MRC1: variants seen among roughly 807,000 people sequenced by gnomAD.
MRC1 encodes mannose receptor C-type 1.
A neutral mutation model predicts 102.9 loss-of-function variants in MRC1; 62 were observed. The ratio of observed to expected loss-of-function variants is 0.60; its 90% CI spans 0.49 to 0.74. The LOEUF (loss-of-function observed/expected upper bound fraction) is 0.74. Among genes scored for constraint, MRC1 ranks in the 30% least tolerant of loss-of-function variants. MRC1 has a pLI of 0.00. For synonymous variants in MRC1, 457 were observed against 298.4 expected, an observed-to-expected ratio of 1.53 and a Z score of -5.48; for missense variants, 1,237 against 862.8, an observed-to-expected ratio of 1.43 and a Z score of -5.43.
At chr10:17,870,540 C>CT (rs1254013911) in intron 13 of MRC1, among the ~76,000 whole-genome samples, 167 bp downstream of exon 13, 3 of 152,000 alleles carry the variant, frequency 2.0e-5, no homozygotes, top group Non-Finnish European at 4.4e-5. Context: ...CTTTCAAATC[C>CT]TTTAATTTTA....
intron 18 of MRC1, among the ~76,000 whole-genome samples, chr10:17,879,055 C>G (rs915223154): frequency 1.3e-5 from 2 of 152,126 alleles, no homozygotes; most frequent in Non-Finnish European, 2.9e-5. Flanking sequence ...ATGAGAAATT[C>G]TATACACTCT....
intron 12 of MRC1, among the ~76,000 whole-genome samples, chr10:17,867,364 C>CCTTCTCCTT (rs1554841581): frequency 7.1e-6 from 1 of 141,254 alleles, no homozygotes; most frequent in Admixed American, 7.4e-5. Context: ...TTCTCCTTCT[C>CCTTCTCCTT]CTTCTTCTTC....
chr10:17,818,791 T>A (rs1554838074), intron 1 of MRC1, among the ~76,000 whole-genome samples: 1 of 152,026 alleles, frequency 6.6e-6, no homozygotes, highest in East Asian at 1.9e-4. Flanking sequence ...ATAGCAAGGG[T>A]CTGTCTCAAG....
chr10:17,877,404 A>G (rs1338189257), intron 17 of MRC1, among the ~76,000 whole-genome samples: 1 of 149,864 alleles, frequency 6.7e-6, no homozygotes, highest in Non-Finnish European at 1.5e-5. Context: ...CAGCCTCCCA[A>G]GTAGCTGGGA....
intron 6 of MRC1, among the ~76,000 whole-genome samples, chr10:17,846,865 T>C (rs1432863116): frequency 6.6e-6 from 1 of 152,228 alleles, no homozygotes; most frequent in African/African-American, 2.4e-5. Flanking sequence ...ACTTCCAATC[T>C]TTTATTAATA....
Position 17,872,012 on chromosome 10 carries a change from C to T in MRC1, c.2230C>T (p.Pro744Ser). The change falls in exon 15 of 30, where the codon CCT (proline) becomes TCT (serine). Residue 744 changes from proline (P) to serine (S), a missense_variant. Pro to Ser is a moderately conservative substitution (Grantham distance 74). Coordinates refer to ENST00000569591, the MANE Select transcript of MRC1 (RefSeq NM_002438.4). ...ATATGAAAACTGGGCTTATGGAGAA[C>T]CTAATAATTATCAAAATGTTGAATA... ...VSYENWAYGEPNNYQNVEYCG... is the reference protein window; with the variant it reads ...VSYENWAYGESNNYQNVEYCG... 2 of 780,458 alleles carry T rather than the reference C, an allele frequency of 2.6e-6. No homozygotes were observed. The highest frequency in any genetic ancestry group is 3.4e-5 in the Admixed American group (2 of 59,000). The allele number at this position is 780,458 out of a possible 1,614,324, so 48.3% of individuals were successfully genotyped here.
chr10:17,813,702 T>TATATATATATA (rs1554837619), intron 1 of MRC1, among the ~76,000 whole-genome samples: 6 of 92,786 alleles, frequency 6.5e-5, no homozygotes, highest in Middle Eastern at 5.4e-3. Flanking sequence ...ATATATATAT[T>TATATATATATA]TTTTTTTTTT....
At chr10:17,884,121 C>T (rs928250195) in intron 21 of MRC1, among the ~76,000 whole-genome samples, 2 of 152,118 alleles carry the variant, frequency 1.3e-5, no homozygotes, top group African/African-American at 2.4e-5. Flanking sequence ...CGCATGACAC[C>T]GATGCTTTGT....
In MRC1 at chr10:17,809,423, G is replaced by C. The variant is rs946897891; in HGVS notation, c.-43G>C. ...CCTCGTTGTTTTGCGTCTTAGTTCC[G>C]CCCTCCTGTCCATCAGGAGAAGGAA... On this transcript the variant is annotated 5_prime_UTR_variant, in exon 1 of 30. Transcript: ENST00000569591. 1.1e-6 allele frequency: 1 copy of C among 871,578 alleles called. No individual in the cohort carries two copies. The highest frequency in any genetic ancestry group is 2.0e-6 in the Non-Finnish European group (1 of 500,554). 54.0% of individuals were successfully genotyped at this position (871,578 alleles called of 1,614,324 possible).
Position 17,809,534 on chromosome 10 carries a change from T to C in MRC1, c.61+8T>C. ...GTGCTGTTCTCCTACTGGGTAAGTC[T>C]GCTCTGAGGCAGGGGATCTCTGACC... On this transcript the variant is annotated splice_region_variant and intron_variant, in intron 1 of 29. Coordinates refer to ENST00000569591, the MANE Select transcript of MRC1 (RefSeq NM_002438.4). 1.1e-6 allele frequency: 1 copy of C among 872,794 alleles called. No homozygotes were observed. The highest frequency in any genetic ancestry group is 2.0e-6 in the Non-Finnish European group (1 of 501,516). The allele number at this position is 872,794 out of a possible 1,614,324, so 54.1% of individuals were successfully genotyped here. A position where few individuals can be genotyped will look rare whatever the true frequency, so the allele number is the denominator to read the frequency against.
intron 24 of MRC1, 89 bp downstream of exon 24, chr10:17,898,355 A>T: frequency 1.3e-6 from 1 of 778,948 alleles, no homozygotes; most frequent in Non-Finnish European, 2.4e-6. Flanking sequence ...TTGAATACTC[A>T]TTATGTGTAA....
chr10:17,860,835 A>G (rs1833174154), intron 9 of MRC1, among the ~76,000 whole-genome samples: 2 of 152,186 alleles, frequency 1.3e-5, no homozygotes, highest in South Asian at 4.1e-4. Context: ...ATACATTATA[A>G]GTGGAGAGAA....
rs916033124 is a variant in MRC1, at chr10:17,902,765, T to A, written c.3799+643T>A. Among the ~76,000 whole-genome samples, 81 of 152,288 alleles carry A rather than the reference T, an allele frequency of 5.3e-4. No homozygotes were observed. The South Asian group carries it at 0.016, about 29-fold the overall frequency. ...CGTTCTTTCAAAAGTCAACCTGACT[T>A]TTGACTTTAAATTCTGAGTGAGATG... On this transcript the variant is annotated intron_variant, in intron 26 of 29. Coordinates refer to ENST00000569591, the MANE Select transcript of MRC1 (RefSeq NM_002438.4).
intron 19 of MRC1, 54 bp downstream of exon 19, chr10:17,879,875 A>G (rs1833489807): frequency 2.6e-6 from 2 of 780,558 alleles, no homozygotes; most frequent in African/African-American, 3.4e-5. Context: ...GTCATTTGCC[A>G]CATCCCTAGA....
At chr10:17,811,138 T>A (rs2130565506) in intron 1 of MRC1, among the ~76,000 whole-genome samples, 1 of 152,322 alleles carries the variant, frequency 6.6e-6, no homozygotes, top group Admixed American at 6.5e-5. Flanking sequence ...CTCGGAAATA[T>A]TATCCCTCAA....
chr10:17,901,556 G>T (rs1016968504), intron 25 of MRC1, among the ~76,000 whole-genome samples: 3 of 152,030 alleles, frequency 2.0e-5, no homozygotes, highest in Non-Finnish European at 4.4e-5. Context: ...GGGTCTGGTG[G>T]CAGGCACCTG....
At chr10:17,909,464 A>C in intron 29 of MRC1, 117 bp downstream of exon 29, 1 of 721,462 alleles carries the variant, frequency 1.4e-6, no homozygotes, top group South Asian at 1.6e-5. Flanking sequence ...AATTTGCTTA[A>C]GCTAAACTAT....
At chr10:17,897,522 A>G (rs939603335) in intron 23 of MRC1, among the ~76,000 whole-genome samples, 4 of 151,504 alleles carry the variant, frequency 2.6e-5, no homozygotes, top group Non-Finnish European at 5.9e-5. Context: ...GTATGGCTGC[A>G]TTCCAGAATC....
chr10:17,880,625 G>C lies in MRC1; in HGVS notation c.2820G>C (p.Ser940=), dbSNP rs782698035. 9 of 780,644 alleles carry C rather than the reference G, an allele frequency of 1.2e-5. No individual in the cohort carries two copies. In the Admixed American group the frequency reaches 1.5e-4, roughly 13 times the overall value. The allele number at this position is 780,644 out of a possible 1,614,324, so 48.4% of individuals were successfully genotyped here. A position where few individuals can be genotyped will look rare whatever the true frequency, so the allele number is the denominator to read the frequency against. Residue 940 remains serine (S), a synonymous_variant, in exon 20 of 30, where the codon TCG becomes TCC. Transcript: ENST00000569591. ...NATTVMPTMP[S]VPSGCKEGWN... is the part of the protein sequence containing the mutation. ...CCACAGTTATGCCTACCATGCCCTC[G>C]GTCCCATCAGGGTGCAAGGAAGGTT...
Sources: gnomAD v4.1 joint callset for allele counts (sites outside exome capture counted in the v4.1 genomes callset) on GRCh38, gnomAD v4.1.1 for gene constraint, MANE v1.5 for transcripts, NCBI Gene and HGNC (gene_info 2026-07-23, HGNC 2026-07-21) for gene names.